NTM: variants seen among roughly 807,000 people sequenced by gnomAD.
NTM encodes the protein IgLON family member 2.
A neutral mutation model predicts 42.1 loss-of-function variants in NTM; 13 were observed. The observed-to-expected ratio is 0.31, with a 90% CI of 0.20 to 0.49. The LOEUF (loss-of-function observed/expected upper bound fraction) is 0.49. NTM is among the 20% of genes least tolerant of loss of function. NTM has a pLI of 0.99. For synonymous variants in NTM, 187 were observed against 179.2 expected (o/e 1.04, Z -0.35); for missense variants, 373 against 452.8 (o/e 0.82, Z 1.60).
chr11:132,134,704 G>GGTGT (rs200668358), intron 2 of NTM, among the ~76,000 whole-genome samples: 25 of 16,794 alleles, frequency 1.5e-3, no homozygotes, highest in South Asian at 3.9e-3. Flanking sequence ...AGTATTCCAT[G>GGTGT]GTATATATAT....
In NTM at chr11:132,158,890, G is replaced by A. The variant is rs2073751381; in HGVS notation, c.400+12376G>A. 2.0e-5 allele frequency among the ~76,000 whole-genome samples: 3 copies of A among 152,166 alleles called. 1 individual carries two copies. In the South Asian group the frequency reaches 6.2e-4, roughly 32 times the overall value. On this transcript the variant is annotated intron_variant, in intron 3 of 8. Transcript: ENST00000683400. ...AAGGACTCTGAGAGACCAAAGATGA[G>A]TCACTCCAGGTCACTGCCTGGAAAG...
intron 3 of NTM, among the ~76,000 whole-genome samples, chr11:132,182,773 C>G (rs1051780223): frequency 6.6e-6 from 1 of 152,184 alleles, no homozygotes; most frequent in Non-Finnish European, 1.5e-5. Context: ...AAGTCTTTAA[C>G]AAAGCATATA....
At chr11:131,593,973 T>C (rs1041882874) in intron 1 of NTM, among the ~76,000 whole-genome samples, 2 of 152,212 alleles carry the variant, frequency 1.3e-5, no homozygotes, top group African/African-American at 2.4e-5. Context: ...GATGAATGCA[T>C]TCAGAGGCAA....
At chr11:131,744,385 A>G (rs780706536) in intron 1 of NTM, among the ~76,000 whole-genome samples, 5 of 152,202 alleles carry the variant, frequency 3.3e-5, no homozygotes, top group Non-Finnish European at 5.9e-5. Context: ...AGAGATTATT[A>G]TTGTTTGTAA....
chr11:131,664,995 G>A (rs564803581), intron 1 of NTM, among the ~76,000 whole-genome samples: 17 of 152,216 alleles, frequency 1.1e-4, no homozygotes, highest in East Asian at 7.7e-4. Context: ...GGCAGAACCC[G>A]CGGAACTGCT....
intron 2 of NTM, among the ~76,000 whole-genome samples, chr11:132,031,536 TA>T (rs2075919991): frequency 6.6e-6 from 1 of 152,080 alleles, no homozygotes; most frequent in African/African-American, 2.4e-5. Context: ...TGGTATGAGA[TA>T]AAGAGATGGG....
intron 2 of NTM, among the ~76,000 whole-genome samples, chr11:132,006,538 C>T (rs2070835088): frequency 1.3e-5 from 2 of 152,216 alleles, no homozygotes; most frequent in Admixed American, 6.5e-5. Context: ...CTGGGAACTT[C>T]AGCAAAGCAC....
At chr11:131,534,170 T>C (rs1169085911) in intron 1 of NTM, 1 of 152,234 alleles carries the variant, frequency 6.6e-6, no homozygotes, top group Non-Finnish European at 1.5e-5. Context: ...CTTTGTTGGA[T>C]GTTTCCCTGA....
chr11:131,532,872 T>C (rs1269890559), intron 1 of NTM, among the ~76,000 whole-genome samples: 4 of 152,214 alleles, frequency 2.6e-5, no homozygotes, highest in Non-Finnish European at 4.4e-5. Context: ...TGTATCTTTT[T>C]TGGAGAAACG....
chr11:131,483,557 AAGGAG>A (rs1261796878), intron 1 of NTM, among the ~76,000 whole-genome samples: 1 of 152,248 alleles, frequency 6.6e-6, no homozygotes, highest in Non-Finnish European at 1.5e-5. Flanking sequence ...TTAAGTTCTT[AAGGAG>A]AGGCGGGAAT....
chr11:131,533,132 G>A (rs1206601095), intron 1 of NTM, among the ~76,000 whole-genome samples: 1 of 152,084 alleles, frequency 6.6e-6, no homozygotes, highest in African/African-American at 2.4e-5. Context: ...TCCTGAATAA[G>A]TGACTCTTCT....
intron 3 of NTM, among the ~76,000 whole-genome samples, chr11:132,204,546 G>T (rs2081660704): frequency 6.6e-6 from 1 of 152,050 alleles, no homozygotes; most frequent in African/African-American, 2.4e-5. Flanking sequence ...AGCTGAAATT[G>T]AAATAATTAG....
chr11:132,095,626 G>C (rs2060881324), intron 2 of NTM, among the ~76,000 whole-genome samples: 2 of 152,178 alleles, frequency 1.3e-5, no homozygotes, highest in Admixed American at 1.3e-4. Flanking sequence ...CTCTTCAGTA[G>C]TCGGCATGCA....
At chr11:132,141,473 G>A (rs1229519979) in intron 2 of NTM, among the ~76,000 whole-genome samples, 5 of 152,148 alleles carry the variant, frequency 3.3e-5, no homozygotes, top group Non-Finnish European at 7.3e-5. Flanking sequence ...GACACAGAGG[G>A]TTGCATTTTT....
intron 4 of NTM, among the ~76,000 whole-genome samples, chr11:132,292,317 A>G (rs1256682270): frequency 6.6e-6 from 1 of 152,114 alleles, no homozygotes. Flanking sequence ...AATGTAGGAG[A>G]TAATGAGATG....
rs1027581346 is a variant in NTM, at chr11:131,887,969, T to C, written c.83-23595T>C. Among the ~76,000 whole-genome samples, 16 of 152,318 alleles carry C rather than the reference T, an allele frequency of 1.1e-4. No homozygotes were observed. The South Asian group carries it at 1.2e-3, about 12-fold the overall frequency. ...CCTTTAGTAAGTGAAGGAGCCATGA[T>C]TGAAATCTCAGCTTCTGGCTTCAGT... On this transcript the variant is annotated intron_variant, in intron 1 of 8. Coordinates refer to ENST00000683400, the MANE Select transcript of NTM (RefSeq NM_001352005.2).
chr11:131,499,756 C>CA (rs1329421352), intron 1 of NTM, among the ~76,000 whole-genome samples: 13 of 152,290 alleles, frequency 8.5e-5, no homozygotes, highest in Admixed American at 4.6e-4. Flanking sequence ...TGCATCAGAG[C>CA]AAAAAAATCC....
rs1018586180 is a variant in NTM at position 132,025,590 on chromosome 11, C to A, written c.167+113942C>A. ...CTGATGCTCCCTAAACTTTGAGAGC[C>A]ACTGTCCTAGACCGGCAGTTCTCAC... On this transcript the variant is annotated intron_variant, in intron 2 of 8. Coordinates refer to ENST00000683400, the MANE Select transcript of NTM (RefSeq NM_001352005.2). 2.6e-5 allele frequency among the ~76,000 whole-genome samples: 4 copies of A among 152,124 alleles called. No individual in the cohort carries two copies. In the South Asian group the frequency reaches 8.3e-4, roughly 32 times the overall value.
At position 132,307,703 on chromosome 11, in the gene NTM, A is replaced by G; in HGVS notation, c.541A>G (p.Ser181Gly). The stretch of plus-strand genomic sequence containing the variant: ...TTTTCCCGCAGCGGTTGGCTTTGTG[A>G]GTGAAGACGAATACTTGGAAATTCA... ...HISPKAVGFV[S>G]EDEYLEIQGI... Residue 181 changes from serine to glycine, a missense_variant, in exon 5 of 9, where the codon AGT becomes GGT. Physicochemically the swap from Ser to Gly is moderately conservative, Grantham distance 56 (BLOSUM62 0). Around this residue, in one of 3 missense-constraint regions of NTM, gnomAD observed 312 missense variants for 353.5 expected, o/e 0.88. Transcript: ENST00000683400. 3.1e-6 allele frequency: 5 copies of G among 1,614,160 alleles called. No homozygotes were observed. Among genetic ancestry groups the G allele is most frequent in the Non-Finnish European group, 4.2e-6 (5 of 1,180,020 alleles).
Sources: allele counts gnomAD v4.1 joint callset (sites outside exome capture counted in the v4.1 genomes callset), GRCh38; gene constraint gnomAD v4.1.1; regional missense constraint gnomAD v4.1.1; transcripts MANE v1.5; gene names NCBI Gene and HGNC (gene_info 2026-07-23, HGNC 2026-07-21).